Variants in OTUD7A observed in about 807,000 individuals in gnomAD.
OTUD7A encodes OTU domain-containing protein 7A.
Under a neutral mutation model 65.7 loss-of-function variants are expected in OTUD7A, and 12 were observed. That is an observed-to-expected ratio of 0.18 (90% confidence interval 0.12 to 0.30). OTUD7A has a LOEUF of 0.30. OTUD7A is among the 10% of genes least tolerant of loss of function. The pLI is 1.00. For missense variants in OTUD7A, 1,148 were observed against 1,304.8 expected, an observed-to-expected ratio of 0.88 and a Z score of 1.85; for synonymous variants, 641 against 586.3, an observed-to-expected ratio of 1.09 and a Z score of -1.35.
intron 1 of OTUD7A, among the ~76,000 whole-genome samples, chr15:31,781,927 G>A (rs1201377567): frequency 1.3e-5 from 2 of 152,210 alleles, no homozygotes; most frequent in Non-Finnish European, 1.5e-5. Context: ...TCAGGATCTT[G>A]GTGATACTGC....
chr15:31,676,658 G>A (rs1206124359), intron 1 of OTUD7A, among the ~76,000 whole-genome samples: 1 of 152,148 alleles, frequency 6.6e-6, no homozygotes, highest in Non-Finnish European at 1.5e-5. Context: ...ATGGTGCACT[G>A]GCTCCCAACT....
chr15:31,570,623 CAG>C (rs1463931254), intron 3 of OTUD7A, among the ~76,000 whole-genome samples: 1 of 152,200 alleles, frequency 6.6e-6, no homozygotes, highest in Non-Finnish European at 1.5e-5. Flanking sequence ...GGCTTTTGCT[CAG>C]AGTTTTACTT....
chr15:31,680,707 T>C (rs535536669), intron 1 of OTUD7A, among the ~76,000 whole-genome samples: 100 of 152,276 alleles, frequency 6.6e-4, no homozygotes, highest in African/African-American at 2.3e-3. Context: ...TTAAATAAGA[T>C]ACAAGAAATG....
At chr15:31,557,721 G>A in intron 5 of OTUD7A, 1 of 152,300 alleles carries the variant, frequency 6.6e-6, no homozygotes, top group Non-Finnish European at 1.5e-5. Flanking sequence ...GTTTTGTGCT[G>A]CCTTTTCTTT....
rs184779615 is a variant in OTUD7A at position 31,852,034 on chromosome 15, A to T, written c.-100+18473T>A. On this transcript the variant is annotated intron_variant, in intron 1 of 12. Coordinates refer to ENST00000307050, the MANE Select transcript of OTUD7A (RefSeq NM_001382637.1). ...CCACCATGCCCAGCTAATTTTTGTA[A>T]TTTTAGTAGAGACGGGGTTTCACCA... is the stretch of plus-strand genomic sequence containing the variant. Among the ~76,000 whole-genome samples the T allele has an allele frequency of 7.0e-3, 1,066 of 151,996 alleles. 15 individuals carry two copies. Among genetic ancestry groups the T allele is most frequent in the African/African-American group, 0.025 (1,026 of 41,458 alleles).
At chr15:31,585,773 T>C (rs1259055513) in intron 3 of OTUD7A, among the ~76,000 whole-genome samples, 2 of 152,178 alleles carry the variant, frequency 1.3e-5, no homozygotes, top group Middle Eastern at 3.2e-3. Flanking sequence ...TATATGTACA[T>C]AGGTGTCTAC....
chr15:31,694,839 G>C (rs1893038144), intron 1 of OTUD7A, among the ~76,000 whole-genome samples: 1 of 150,700 alleles, frequency 6.6e-6, no homozygotes, highest in South Asian at 2.1e-4. Context: ...TTTATACCAC[G>C]TTTTACATTT....
In OTUD7A at chr15:31,603,678, T is replaced by C. The variant is rs190186321; in HGVS notation, c.152-33481A>G. Among the ~76,000 whole-genome samples the C allele has an allele frequency of 3.0e-4, 45 of 152,310 alleles. No homozygotes were observed. In the South Asian group the frequency reaches 5.8e-3, roughly 20 times the overall value. ...AGGCAACCTACAGAATGGGAGAACA[T>C]TTTTGTAATCTTTCCATCTAACAAT... On this transcript the variant is annotated intron_variant, in intron 3 of 12. Transcript: ENST00000307050.
intron 8 of OTUD7A, among the ~76,000 whole-genome samples, chr15:31,511,785 T>TA (rs1566894048): frequency 1.3e-5 from 2 of 151,630 alleles, no homozygotes; most frequent in African/African-American, 4.8e-5. Flanking sequence ...TGTATATATA[T>TA]TTTACTATCG....
rs369725068 is a variant in OTUD7A at position 31,835,718 on chromosome 15, A to AG, written c.-100+34788dup. Among the ~76,000 whole-genome samples, 121 of 152,292 alleles carry AG rather than the reference A, an allele frequency of 7.9e-4. 1 individual carries two copies. The highest frequency in any genetic ancestry group is 2.7e-3 in the African/African-American group (114 of 41,550). On this transcript the variant is annotated intron_variant, in intron 1 of 12. Coordinates refer to ENST00000307050, the MANE Select transcript of OTUD7A (RefSeq NM_001382637.1). The stretch of plus-strand genomic sequence containing the variant: ...CATATATACCCACATACAAATACAT[A>AG]GGTATATACATGTACACACATATAT...
intron 1 of OTUD7A, among the ~76,000 whole-genome samples, chr15:31,760,848 T>C (rs1894941960): frequency 6.6e-6 from 1 of 152,200 alleles, no homozygotes; most frequent in African/African-American, 2.4e-5. Flanking sequence ...CATAAACCCT[T>C]GCATTTATGT....
chr15:31,636,195 G>A (rs1891337564), intron 3 of OTUD7A, among the ~76,000 whole-genome samples: 5 of 152,146 alleles, frequency 3.3e-5, no homozygotes, highest in Admixed American at 2.6e-4. Flanking sequence ...ACCCTGTGCT[G>A]AGCAAGTTTA....
intron 1 of OTUD7A, among the ~76,000 whole-genome samples, chr15:31,805,720 A>T (rs568905481): frequency 3.9e-5 from 6 of 152,316 alleles, no homozygotes; most frequent in African/African-American, 1.4e-4. Flanking sequence ...CTGCACAGGG[A>T]GCTGCCTGAG....
chr15:31,785,844 A>C (rs34983488), intron 1 of OTUD7A, among the ~76,000 whole-genome samples: 11,976 of 152,264 alleles, frequency 0.079, 1,123 homozygotes, highest in African/African-American at 0.23. Flanking sequence ...TTGGCCAGAG[A>C]ATTAAATAGT....
At chr15:31,489,056 G>A (rs1032624719) in intron 10 of OTUD7A, among the ~76,000 whole-genome samples, 11 of 152,232 alleles carry the variant, frequency 7.2e-5, no homozygotes, top group Non-Finnish European at 1.3e-4. Context: ...GAGGGCTGCA[G>A]GGCTGGCTCA....
At chr15:31,857,188 C>T (rs146475553) in intron 1 of OTUD7A, among the ~76,000 whole-genome samples, 1,850 of 152,270 alleles carry the variant, frequency 0.012, 20 homozygotes, top group Non-Finnish European at 0.019. Context: ...AAAATGAATG[C>T]ACCTGGACAG....
chr15:31,541,079 A>C (rs751263867), intron 5 of OTUD7A, among the ~76,000 whole-genome samples: 2 of 152,246 alleles, frequency 1.3e-5, no homozygotes, highest in Non-Finnish European at 2.9e-5. Flanking sequence ...ATTGCTTGAG[A>C]AGCACTGTCC....
At chr15:31,829,843 T>C (rs1195957722) in intron 1 of OTUD7A, among the ~76,000 whole-genome samples, 2 of 152,148 alleles carry the variant, frequency 1.3e-5, no homozygotes, top group Non-Finnish European at 2.9e-5. Context: ...CCAGACACAC[T>C]TAACCTAAGA....
At chr15:31,694,257 G>T (rs1310580388) in intron 1 of OTUD7A, among the ~76,000 whole-genome samples, 1 of 152,112 alleles carries the variant, frequency 6.6e-6, no homozygotes, top group Non-Finnish European at 1.5e-5. Flanking sequence ...TCGGCTGGGG[G>T]CCTCCTCCCT....
Sources: allele counts gnomAD v4.1 joint callset (sites outside exome capture counted in the v4.1 genomes callset), GRCh38; gene constraint gnomAD v4.1.1; transcripts MANE v1.5; gene names NCBI Gene and HGNC (gene_info 2026-07-23, HGNC 2026-07-21).